The following SAMMSON variants were observed in gnomAD, a reference collection of about 807,000 sequenced individuals.
SAMMSON encodes long intergenic non-protein coding RNA 1212.
At chr3:70,157,054 T>G (rs1160038782) in intron 4 of SAMMSON, among the ~76,000 whole-genome samples, 3 of 152,090 alleles carry the variant, frequency 2.0e-5, no homozygotes, top group Non-Finnish European at 4.4e-5. Context: ...GAAAGCAGGG[T>G]AAAAAGATAT....
intron 4 of SAMMSON, among the ~76,000 whole-genome samples, chr3:70,121,099 T>G (rs1392233537): frequency 6.6e-6 from 1 of 152,182 alleles, no homozygotes. Flanking sequence ...CAATCTAGAT[T>G]CCTTGCATGT....
At chr3:70,118,114 G>C (rs1448760023) in intron 4 of SAMMSON, among the ~76,000 whole-genome samples, 1 of 151,882 alleles carries the variant, frequency 6.6e-6, no homozygotes, top group Non-Finnish European at 1.5e-5. Context: ...GTAGAGACGG[G>C]GTTTTTACCA....
At chr3:70,298,386 A>G (rs377083635) in intron 7 of SAMMSON, among the ~76,000 whole-genome samples, 27 of 152,248 alleles carry the variant, frequency 1.8e-4, no homozygotes, top group African/African-American at 6.0e-4. Context: ...GTTAGCCAAC[A>G]TCAACGGGAA....
At chr3:70,235,198 A>G (rs546481529) in intron 4 of SAMMSON, among the ~76,000 whole-genome samples, 6 of 152,254 alleles carry the variant, frequency 3.9e-5, no homozygotes, top group South Asian at 2.1e-4. Flanking sequence ...ACCATCCACA[A>G]AAGATGTGTC....
At chr3:70,393,005 A>G (rs1701062735), downstream of SAMMSON, among the ~76,000 whole-genome samples, 1 of 152,198 alleles carries the variant, frequency 6.6e-6, no homozygotes, top group Non-Finnish European at 1.5e-5. Context: ...TATTTTGTTC[A>G]GAAAAAGCAA....
chr3:70,407,839 G>A (rs1431067115), intron 2 of SAMMSON, among the ~76,000 whole-genome samples: 1 of 152,260 alleles, frequency 6.6e-6, no homozygotes, highest in African/African-American at 2.4e-5. Flanking sequence ...CCCAGTGGGA[G>A]CTCTGACCCC....
At chr3:70,297,570 TA>T (rs1196808600) in intron 7 of SAMMSON, among the ~76,000 whole-genome samples, 14 of 152,152 alleles carry the variant, frequency 9.2e-5, no homozygotes, top group Admixed American at 9.2e-4. Flanking sequence ...GAGCAATATG[TA>T]TATTTGTGTT....
chr3:70,271,574 T>C (rs1181070207), intron 6 of SAMMSON, among the ~76,000 whole-genome samples: 1 of 152,212 alleles, frequency 6.6e-6, no homozygotes, highest in East Asian at 1.9e-4. Context: ...AGGCCACCAG[T>C]TGGCAAATTC....
chr3:70,098,351 T>G (rs2067330344), intron 4 of SAMMSON, among the ~76,000 whole-genome samples: 1 of 152,024 alleles, frequency 6.6e-6, no homozygotes, highest in Non-Finnish European at 1.5e-5. Context: ...GCCACCTGAG[T>G]GAGCTCTCTT....
At chr3:70,342,260 C>T (rs142608964) in intron 7 of SAMMSON, among the ~76,000 whole-genome samples, 3 of 152,196 alleles carry the variant, frequency 2.0e-5, no homozygotes, top group East Asian at 3.9e-4. Context: ...GGAGAGATCA[C>T]GTGGTGTCTA....
At chr3:70,054,953 T>A (rs2067161602) in intron 3 of SAMMSON, among the ~76,000 whole-genome samples, 1 of 152,148 alleles carries the variant, frequency 6.6e-6, no homozygotes, top group Non-Finnish European at 1.5e-5. Flanking sequence ...TTCTAATTTT[T>A]AAAAACACCA....
intron 4 of SAMMSON, among the ~76,000 whole-genome samples, chr3:70,216,794 A>T (rs1286639300): frequency 2.6e-5 from 4 of 152,090 alleles, no homozygotes; most frequent in Admixed American, 2.6e-4. Flanking sequence ...TTGCCCCCCA[A>T]GGGAATGGAT....
intron 4 of SAMMSON, among the ~76,000 whole-genome samples, chr3:70,121,914 G>A (rs2067436161): frequency 6.6e-6 from 1 of 152,100 alleles, no homozygotes; most frequent in Non-Finnish European, 1.5e-5. Context: ...TGTGTTTGAA[G>A]CGGGGTGTTA....
In SAMMSON at chr3:70,100,250, A is replaced by C. The variant is rs528080987; in HGVS notation, n.507+28685A>C. On this transcript the variant is annotated intron_variant and non_coding_transcript_variant, in intron 4 of 9. Transcript: ENST00000642114. ...CAGCCTCAACCTCCCAGGCTCAAGC[A>C]ATCCTGCCACCTCAGCCCTCTGAGT... 1.2e-4 allele frequency among the ~76,000 whole-genome samples: 19 copies of C among 152,140 alleles called. No individual in the cohort carries two copies. In the South Asian group the frequency reaches 3.7e-3, roughly 30 times the overall value.
At chr3:70,248,498 C>A (rs1456401769) in intron 4 of SAMMSON, among the ~76,000 whole-genome samples, 1 of 151,926 alleles carries the variant, frequency 6.6e-6, no homozygotes, top group Non-Finnish European at 1.5e-5. Flanking sequence ...GTAGGCATAG[C>A]TCAGAACTTG....
intron 3 of SAMMSON, among the ~76,000 whole-genome samples, chr3:70,018,744 C>G (rs1039617814): frequency 6.6e-6 from 1 of 152,102 alleles, no homozygotes; most frequent in Non-Finnish European, 1.5e-5. Flanking sequence ...CCTCTACACA[C>G]TGCTTTGAAT....
rs569139063 is a variant in SAMMSON, at chr3:70,367,260, ATTCT to A, written n.913+8941_913+8944del. Among the ~76,000 whole-genome samples, 797 of 151,702 alleles carry A rather than the reference ATTCT, an allele frequency of 5.3e-3. 5 individuals are homozygous for A. The highest frequency in any genetic ancestry group is 7.6e-3 in the Non-Finnish European group (511 of 67,588). ...ATTGTGGTATCAAACACTAGAACTT[ATTCT>A]TTCTATCTAATTAAATGTTTTATAC... On this transcript the variant is annotated intron_variant and non_coding_transcript_variant, in intron 9 of 9. Transcript: ENST00000642114.
At chr3:70,286,616 G>A (rs1559554364) in intron 6 of SAMMSON, among the ~76,000 whole-genome samples, 1 of 151,946 alleles carries the variant, frequency 6.6e-6, no homozygotes, top group African/African-American at 2.4e-5. Flanking sequence ...GTAGCTTGAT[G>A]GGGATGGCAT....
chr3:70,140,847 G>A (rs182199831), intron 4 of SAMMSON, among the ~76,000 whole-genome samples: 52 of 152,120 alleles, frequency 3.4e-4, no homozygotes, highest in Admixed American at 2.8e-3. Flanking sequence ...TTCCATCTGA[G>A]TCTTCATCAG....
Sources: gnomAD v4.1 joint callset for allele counts (sites outside exome capture counted in the v4.1 genomes callset) on GRCh38, gnomAD v4.1.1 for gene constraint, MANE v1.5 for transcripts, NCBI Gene and HGNC (gene_info 2026-07-23, HGNC 2026-07-21) for gene names.